The following KCNT2 variants were observed in gnomAD, a reference collection of about 807,000 sequenced individuals.
The protein encoded by KCNT2 is potassium sodium-activated channel subfamily T member 2.
In KCNT2, 67 loss-of-function variants were observed where a neutral mutation model predicts 153.8. That is an observed-to-expected ratio of 0.44 (90% CI 0.36 to 0.53). The LOEUF (loss-of-function observed/expected upper bound fraction) is 0.53. KCNT2 is among the 20% of genes least tolerant of loss of function. The pLI is 0.00. For synonymous variants in KCNT2, 500 were observed against 458.8 expected (o/e 1.09, Z -1.15); for missense variants, 975 against 1,354.8 (o/e 0.72, Z 4.40).
chr1:196,578,684 G>T (rs1661662673), intron 1 of KCNT2, among the ~76,000 whole-genome samples: 1 of 152,114 alleles, frequency 6.6e-6, no homozygotes, highest in Non-Finnish European at 1.5e-5. Flanking sequence ...CAAATCTAGA[G>T]GGACTGACCA....
chr1:196,573,877 C>A, intron 1 of KCNT2, among the ~76,000 whole-genome samples: 1 of 151,436 alleles, frequency 6.6e-6, no homozygotes, highest in Non-Finnish European at 1.5e-5. Context: ...TTCTCAGTCA[C>A]TTAGAGGACT....
chr1:196,374,792 G>A (rs761176432), intron 13 of KCNT2, among the ~76,000 whole-genome samples: 66 of 151,670 alleles, frequency 4.4e-4, no homozygotes, highest in Non-Finnish European at 6.6e-4. Flanking sequence ...TATTACTGTA[G>A]AATCATATGA....
At chr1:196,510,188 A>T (rs928207206) in intron 1 of KCNT2, among the ~76,000 whole-genome samples, 1 of 152,184 alleles carries the variant, frequency 6.6e-6, no homozygotes, top group African/African-American at 2.4e-5. Context: ...AGTTAAAAAG[A>T]AGCCCATGTA....
At chr1:196,482,250 A>T in intron 4 of KCNT2, 81 bp downstream of exon 4, 1 of 851,988 alleles carries the variant, frequency 1.2e-6, no homozygotes, top group Non-Finnish European at 1.9e-6. Context: ...CATTTTGAAC[A>T]TCAAAAGCTC....
rs111907413 is a variant in KCNT2, at chr1:196,521,925, C to A, written c.96-29584G>T. ...AAGTTTACCTATATAACAAAGTGAA[C>A]ATGTACCCCTGAACCTAAAATAAAA... On this transcript the variant is annotated intron_variant, in intron 1 of 27. Transcript: ENST00000294725. Among the ~76,000 whole-genome samples the A allele has an allele frequency of 4.1e-3, 622 of 152,174 alleles. 5 individuals carry two copies. Among genetic ancestry groups the A allele is most frequent in the African/African-American group, 0.014 (592 of 41,526 alleles).
intron 22 of KCNT2, among the ~76,000 whole-genome samples, chr1:196,294,516 C>T (rs1265674200): frequency 6.6e-6 from 1 of 152,048 alleles, no homozygotes; most frequent in East Asian, 1.9e-4. Flanking sequence ...CCTCATGATC[C>T]ACCCGCCTTG....
At chr1:196,299,061 A>G (rs922329611) in intron 22 of KCNT2, among the ~76,000 whole-genome samples, 7 of 152,040 alleles carry the variant, frequency 4.6e-5, no homozygotes, top group African/African-American at 1.7e-4. Context: ...TCTTGAAGCA[A>G]ATTGTGCACA....
intron 7 of KCNT2, 58 bp from the exon 8 acceptor site, chr1:196,465,445 T>A (rs888862572): frequency 1.1e-6 from 1 of 901,776 alleles, no homozygotes; most frequent in Middle Eastern, 2.3e-4. Flanking sequence ...ATGCATGAGT[T>A]TCATTACATT....
At chr1:196,427,411 A>G (rs1186449897) in intron 10 of KCNT2, among the ~76,000 whole-genome samples, 1 of 152,100 alleles carries the variant, frequency 6.6e-6, no homozygotes, top group Non-Finnish European at 1.5e-5. Context: ...GAGTTATTCT[A>G]CTTCTTGACA....
intron 21 of KCNT2, among the ~76,000 whole-genome samples, chr1:196,313,833 A>G (rs1235651473): frequency 6.6e-6 from 1 of 151,620 alleles, no homozygotes; most frequent in Non-Finnish European, 1.5e-5. Flanking sequence ...GCTCAAAACT[A>G]TTCAGTCTAG....
At chr1:196,241,240 G>T (rs1359329671) in intron 26 of KCNT2, among the ~76,000 whole-genome samples, 1 of 151,970 alleles carries the variant, frequency 6.6e-6, no homozygotes, top group Non-Finnish European at 1.5e-5. Context: ...TACCTTATCA[G>T]GGAAGCTAAA....
intron 1 of KCNT2, among the ~76,000 whole-genome samples, chr1:196,508,535 A>C (rs1175840507): frequency 6.6e-6 from 1 of 152,188 alleles, no homozygotes; most frequent in African/African-American, 2.4e-5. Flanking sequence ...CATAATTGGG[A>C]GAAGATATTT....
chr1:196,473,647 T>G (rs1044500902), intron 5 of KCNT2, among the ~76,000 whole-genome samples: 1 of 152,116 alleles, frequency 6.6e-6, no homozygotes, highest in Non-Finnish European at 1.5e-5. Context: ...ATGCATTGAG[T>G]TTAATTCTAA....
At chr1:196,480,630 C>T (rs868129127) in intron 4 of KCNT2, among the ~76,000 whole-genome samples, 2 of 151,636 alleles carry the variant, frequency 1.3e-5, no homozygotes, top group Non-Finnish European at 2.9e-5. Context: ...CCGAGGTGGG[C>T]GGATCACGAG....
intron 4 of KCNT2, among the ~76,000 whole-genome samples, chr1:196,479,495 ATG>A (rs56735456): frequency 0.3 from 45,141 of 152,008 alleles, 6,788 homozygotes; most frequent in Admixed American, 0.37. Context: ...ATTATTCAAA[ATG>A]TAAAGGTGGT....
Position 196,465,313 on chromosome 1 carries a change from T to C in KCNT2, c.618A>G (p.Leu206=). 6.3e-7 allele frequency: 1 copy of C among 1,582,118 alleles called. No homozygotes were observed. The highest frequency in any genetic ancestry group is 8.7e-7 in the Non-Finnish European group (1 of 1,151,528). ...FNQVLILIST[L]LCLIFTCICG... ...CTTACCAGGTGAAGATAAGGCATAGTAATGTAGATATTAAAATCAAAACTT... is the reference window on the plus strand; with the variant it reads ...CTTACCAGGTGAAGATAAGGCATAGCAATGTAGATATTAAAATCAAAACTT... Residue 206 remains leucine, a synonymous_variant, in exon 8 of 28, where the codon TTA becomes TTG. Coordinates refer to ENST00000294725, the MANE Select transcript of KCNT2 (RefSeq NM_198503.5).
At chr1:196,457,241 A>C (rs1676752558) in intron 8 of KCNT2, among the ~76,000 whole-genome samples, 1 of 151,780 alleles carries the variant, frequency 6.6e-6, no homozygotes, top group Non-Finnish European at 1.5e-5. Flanking sequence ...CACACTAAAA[A>C]TTAAATAATA....
chr1:196,429,862 T>C (rs1673981629), intron 8 of KCNT2, 105 bp from the exon 9 acceptor site: 1 of 686,240 alleles, frequency 1.5e-6, no homozygotes, highest in South Asian at 2.2e-5. Flanking sequence ...AGCCATTTAA[T>C]AGTCCCTCTT....
At chr1:196,500,171 G>A (rs540044727) in intron 1 of KCNT2, among the ~76,000 whole-genome samples, 3 of 147,700 alleles carry the variant, frequency 2.0e-5, no homozygotes, top group Non-Finnish European at 3.0e-5. Context: ...AGGAATAAAG[G>A]AAGAAAGGAA....
Sources: allele counts gnomAD v4.1 joint callset (sites outside exome capture counted in the v4.1 genomes callset), GRCh38; gene constraint gnomAD v4.1.1; transcripts MANE v1.5; gene names NCBI Gene and HGNC (gene_info 2026-07-23, HGNC 2026-07-21).